SOBP: variants seen among roughly 807,000 people sequenced by gnomAD.
The protein encoded by SOBP is sine oculis-binding protein homolog.
SOBP carries 4 observed loss-of-function variants against 53.6 expected under a neutral mutation model. The observed-to-expected ratio is 0.07, with a 90% confidence interval of 0.04 to 0.17. The LOEUF is 0.17. Among genes scored for constraint, SOBP ranks in the 10% least tolerant of loss-of-function variants. The probability of loss-of-function intolerance (pLI) is 1.00; values close to 1 mark genes in which losing one functional copy is unlikely to be tolerated. For missense variants in SOBP, 1,088 were observed against 1,204.7 expected, an observed-to-expected ratio of 0.90 and a Z score of 1.43; for synonymous variants, 584 against 522.6, an observed-to-expected ratio of 1.12 and a Z score of -1.60.
At position 107,497,393 on chromosome 6, in the gene SOBP, T is replaced by C. The variant is rs757904533; in HGVS notation, c.97-6264T>C. On this transcript the variant is annotated intron_variant, in intron 1 of 6. Coordinates refer to ENST00000317357, the MANE Select transcript of SOBP (RefSeq NM_018013.4). ...TTGTCATTAGGACTGTGACTATAGC[T>C]GATGTAATTGTCTATGACTGAGACT... Among the ~76,000 whole-genome samples, 10 of 152,340 alleles carry C rather than the reference T, an allele frequency of 6.6e-5. No individual in the cohort carries two copies. In the South Asian group the frequency reaches 8.3e-4, roughly 13 times the overall value.
At chr6:107,601,707 C>T (rs1403788774) in intron 5 of SOBP, among the ~76,000 whole-genome samples, 3 of 152,134 alleles carry the variant, frequency 2.0e-5, no homozygotes, top group African/African-American at 4.8e-5. Flanking sequence ...ACCCCCATTC[C>T]GCTAAATTGA....
intron 4 of SOBP, among the ~76,000 whole-genome samples, chr6:107,581,987 C>G (rs1021179593): frequency 3.3e-5 from 5 of 152,182 alleles, no homozygotes; most frequent in African/African-American, 1.2e-4. Context: ...CTCCCCGGCC[C>G]TGATTCCAGG....
intron 5 of SOBP, among the ~76,000 whole-genome samples, chr6:107,597,883 G>A (rs1369184402): frequency 1.3e-5 from 2 of 152,104 alleles, no homozygotes; most frequent in African/African-American, 4.8e-5. Context: ...TGTATACACT[G>A]CATGAAGACA....
chr6:107,588,064 G>C (rs1455193969), intron 5 of SOBP, among the ~76,000 whole-genome samples: 1 of 152,174 alleles, frequency 6.6e-6, no homozygotes, highest in East Asian at 1.9e-4. Context: ...CTCCAACTAA[G>C]TGAAAACACT....
chr6:107,545,351 T>G (rs1289225941), intron 4 of SOBP, among the ~76,000 whole-genome samples: 4 of 152,152 alleles, frequency 2.6e-5, no homozygotes, highest in Admixed American at 6.5e-5. Context: ...AACTGCTGAT[T>G]GACACTCAGG....
chr6:107,655,929 C>T (rs929862083), intron 6 of SOBP, among the ~76,000 whole-genome samples: 3 of 152,178 alleles, frequency 2.0e-5, no homozygotes, highest in Non-Finnish European at 4.4e-5. Flanking sequence ...GCAGTTGCAG[C>T]ATCCCTAAGT....
intron 3 of SOBP, chr6:107,514,712 G>T (rs1181720137): frequency 6.6e-6 from 1 of 152,164 alleles, no homozygotes; most frequent in East Asian, 1.9e-4. Flanking sequence ...TAGTTTCCTT[G>T]TCTGCAAAAT....
chr6:107,618,007 A>T, intron 5 of SOBP, among the ~76,000 whole-genome samples: 1 of 151,344 alleles, frequency 6.6e-6, no homozygotes, highest in African/African-American at 2.4e-5. Context: ...TTTTGTATTT[A>T]TAGTAGAGAT....
chr6:107,604,744 G>A (rs1475014910), intron 5 of SOBP, among the ~76,000 whole-genome samples: 1 of 152,184 alleles, frequency 6.6e-6, no homozygotes, highest in Non-Finnish European at 1.5e-5. Context: ...AGTTGGCCCT[G>A]AAGCGGGGTG....
chr6:107,638,951 G>A (rs1383781994), intron 6 of SOBP, among the ~76,000 whole-genome samples: 2 of 151,930 alleles, frequency 1.3e-5, no homozygotes, highest in East Asian at 3.9e-4. Flanking sequence ...TGCCCAGGCT[G>A]GAGTGCAGTG....
At chr6:107,628,510 A>T (rs1394806628) in intron 5 of SOBP, among the ~76,000 whole-genome samples, 2 of 152,192 alleles carry the variant, frequency 1.3e-5, no homozygotes, top group Non-Finnish European at 2.9e-5. Flanking sequence ...TCCTGCAGCC[A>T]TAGAAGCATC....
intron 2 of SOBP, among the ~76,000 whole-genome samples, chr6:107,504,887 A>G (rs913468029): frequency 9.9e-5 from 15 of 152,246 alleles, no homozygotes; most frequent in East Asian, 1.9e-4. Flanking sequence ...TTTGTATTCT[A>G]TAAACTAATA....
intron 3 of SOBP, among the ~76,000 whole-genome samples, chr6:107,517,853 T>G (rs1484169377): frequency 6.6e-6 from 1 of 152,186 alleles, no homozygotes; most frequent in African/African-American, 2.4e-5. Context: ...TGGAAAAAGT[T>G]AATTACATAT....
chr6:107,632,126 A>T (rs1171086543), intron 5 of SOBP, among the ~76,000 whole-genome samples: 5 of 152,200 alleles, frequency 3.3e-5, no homozygotes, highest in Admixed American at 3.3e-4. Flanking sequence ...TCAGTTTATG[A>T]TAGTTTTTTT....
intron 5 of SOBP, among the ~76,000 whole-genome samples, chr6:107,599,537 CA>C (rs907267933): frequency 1.4e-4 from 20 of 139,794 alleles, no homozygotes; most frequent in East Asian, 4.4e-4. Flanking sequence ...AGATCTTCAT[CA>C]AAAAAAACAT....
chr6:107,597,461 A>G (rs1785987420), intron 5 of SOBP, among the ~76,000 whole-genome samples: 1 of 152,200 alleles, frequency 6.6e-6, no homozygotes, highest in Admixed American at 6.5e-5. Context: ...ACAATATATG[A>G]GGGCAGATTT....
chr6:107,530,506 C>T (rs1286862184), intron 3 of SOBP, among the ~76,000 whole-genome samples: 1 of 151,894 alleles, frequency 6.6e-6, no homozygotes, highest in African/African-American at 2.4e-5. Flanking sequence ...TTTAGATAAT[C>T]ACAGTTCTTT....
intron 6 of SOBP, among the ~76,000 whole-genome samples, chr6:107,644,676 A>G (rs887358657): frequency 3.9e-5 from 6 of 152,230 alleles, no homozygotes; most frequent in African/African-American, 1.2e-4. Context: ...AGGCTTTAAA[A>G]GGCTCATAAA....
chr6:107,527,210 A>G (rs1421705240), intron 3 of SOBP, among the ~76,000 whole-genome samples: 1 of 152,110 alleles, frequency 6.6e-6, no homozygotes, highest in East Asian at 1.9e-4. Flanking sequence ...AGTTAATGTA[A>G]TAATTACAAA....
Sources: gnomAD v4.1 joint callset for allele counts (sites outside exome capture counted in the v4.1 genomes callset) on GRCh38, gnomAD v4.1.1 for gene constraint, MANE v1.5 for transcripts, NCBI Gene and HGNC (gene_info 2026-07-23, HGNC 2026-07-21) for gene names.